THEMIS: variants seen among roughly 807,000 people sequenced by gnomAD.
THEMIS encodes the protein thymocyte selection associated, also known as protein THEMIS.
A neutral mutation model predicts 52.6 loss-of-function variants in THEMIS; 37 were observed. The observed-to-expected ratio is 0.70, with a 90% CI of 0.54 to 0.93. THEMIS has a LOEUF of 0.93. Among genes scored for constraint, THEMIS ranks in the 40% least tolerant of loss-of-function variants. The pLI, the probability that THEMIS is intolerant of heterozygous loss-of-function variation, is 0.00. For missense variants in THEMIS, 808 were observed against 763.1 expected (o/e 1.06, Z -0.69); for synonymous variants, 292 against 272.7 (o/e 1.07, Z -0.70).
intron 4 of THEMIS, among the ~76,000 whole-genome samples, chr6:127,782,670 G>T (rs1347442334): frequency 1.3e-5 from 2 of 152,092 alleles, no homozygotes; most frequent in Non-Finnish European, 2.9e-5. Flanking sequence ...GGGTTCCTCA[G>T]TTGGAAATAC....
At chr6:127,720,278 A>G (rs1774319513) in intron 4 of THEMIS, among the ~76,000 whole-genome samples, 1 of 151,968 alleles carries the variant, frequency 6.6e-6, no homozygotes. Flanking sequence ...AAATTAAACC[A>G]CATTTTTAAT....
intron 5 of THEMIS, among the ~76,000 whole-genome samples, chr6:127,718,840 C>T (rs879720319): frequency 7.3e-5 from 11 of 151,490 alleles, no homozygotes; most frequent in Non-Finnish European, 1.2e-4. Flanking sequence ...GTGTCAGAAG[C>T]CAGTAAGCTA....
intron 1 of THEMIS, among the ~76,000 whole-genome samples, chr6:127,888,035 A>G (rs531405260): frequency 1.1e-4 from 16 of 152,204 alleles, no homozygotes; most frequent in African/African-American, 3.6e-4. Flanking sequence ...CAGCTGGGGT[A>G]AACCTCGTAG....
chr6:127,820,707 G>T (rs777364448), intron 3 of THEMIS, among the ~76,000 whole-genome samples: 22 of 151,830 alleles, frequency 1.4e-4, no homozygotes, highest in Non-Finnish European at 2.9e-4. Context: ...CAATTTACTG[G>T]CAACCCAATC....
chr6:127,880,436 T>C (rs1780446360), intron 1 of THEMIS, among the ~76,000 whole-genome samples: 2 of 152,182 alleles, frequency 1.3e-5, no homozygotes, highest in East Asian at 1.9e-4. Context: ...CTGTTAGTCA[T>C]TTTAAAAATC....
At chr6:127,918,515 A>G (rs528351422) in exon 1 of THEMIS, 1 of 152,302 alleles carries the variant, frequency 6.6e-6, no homozygotes, top group East Asian at 1.9e-4. Flanking sequence ...CCTGTAGAAA[A>G]TAAGGGATCC....
chr6:127,888,073 T>G (rs1780699243), intron 1 of THEMIS, among the ~76,000 whole-genome samples: 1 of 152,042 alleles, frequency 6.6e-6, no homozygotes, highest in Non-Finnish European at 1.5e-5. Flanking sequence ...GTCGATGTCC[T>G]GAAGAAGAGT....
At chr6:127,747,433 T>C (rs575626699) in intron 4 of THEMIS, among the ~76,000 whole-genome samples, 67 of 148,078 alleles carry the variant, frequency 4.5e-4, no homozygotes, top group Non-Finnish European at 7.9e-4. Flanking sequence ...ATTATAGATA[T>C]ATTTACAACA....
downstream of THEMIS, among the ~76,000 whole-genome samples, chr6:127,703,881 C>T (rs1259201070): frequency 1.3e-5 from 2 of 152,068 alleles, no homozygotes; most frequent in Non-Finnish European, 2.9e-5. Flanking sequence ...TTATTGCTCA[C>T]CATTATGGAG....
At chr6:127,911,612 C>T (rs1322909681) in intron 1 of THEMIS, among the ~76,000 whole-genome samples, 1 of 151,424 alleles carries the variant, frequency 6.6e-6, no homozygotes, top group Non-Finnish European at 1.5e-5. Context: ...TAAGTTCATA[C>T]TGATATTGCC....
chr6:127,698,296 A>G, the THEMIS span, among the ~76,000 whole-genome samples: 13 of 152,130 alleles, frequency 8.5e-5, no homozygotes, highest in African/African-American at 3.1e-4. Context: ...AAAATAGAGT[A>G]CACCACCTGA....
At chr6:127,918,048 A>G (rs1781561577) in intron 1 of THEMIS, among the ~76,000 whole-genome samples, 1 of 152,214 alleles carries the variant, frequency 6.6e-6, no homozygotes, top group Admixed American at 6.5e-5. Context: ...ATTTTTAAGA[A>G]TCATGTACAA....
At position 127,816,630 on chromosome 6, in the gene THEMIS, C is replaced by T. The variant is rs193146417; in HGVS notation, c.710-2699G>A. On this transcript the variant is annotated intron_variant, in intron 3 of 5. Coordinates refer to ENST00000368248, the MANE Select transcript of THEMIS (RefSeq NM_001010923.3). ...TGATCTAAGCTACATTGTCTTTTGC[C>T]TGGATTGTTGCAGTGGCTTTCTAAC... Among the ~76,000 whole-genome samples the T allele has an allele frequency of 6.6e-5, 10 of 152,214 alleles. No homozygotes were observed. The East Asian group carries it at 1.4e-3, about 21-fold the overall frequency.
At chr6:127,816,789 C>T (rs967933341) in intron 3 of THEMIS, among the ~76,000 whole-genome samples, 1 of 152,226 alleles carries the variant, frequency 6.6e-6, no homozygotes, top group Middle Eastern at 3.4e-3. Flanking sequence ...AAGTCCTTAC[C>T]TGGCCCCTGG....
intron 4 of THEMIS, among the ~76,000 whole-genome samples, chr6:127,723,268 C>A (rs1774425754): frequency 6.6e-6 from 1 of 152,008 alleles, no homozygotes; most frequent in Non-Finnish European, 1.5e-5. Flanking sequence ...TGGAAGACTT[C>A]AACTTGTTTT....
At chr6:127,759,199 A>C (rs1310306730) in intron 4 of THEMIS, among the ~76,000 whole-genome samples, 1 of 152,188 alleles carries the variant, frequency 6.6e-6, no homozygotes, top group African/African-American at 2.4e-5. Flanking sequence ...GATTATAAGA[A>C]AATTGCATAT....
At chr6:127,914,203 T>C (rs1781471282) in intron 1 of THEMIS, among the ~76,000 whole-genome samples, 1 of 152,186 alleles carries the variant, frequency 6.6e-6, no homozygotes, top group South Asian at 2.1e-4. Context: ...TCCACTGTGT[T>C]GTCATGTTGG....
rs559894634 is a variant in THEMIS, at chr6:127,720,405, G to A, written c.1759-582C>T. ...TCCCTATAACTCATCTCACATGTAA[G>A]AGATGTCACAGCATTTGACATTATA... On this transcript the variant is annotated intron_variant, in intron 4 of 5. Coordinates refer to ENST00000368248, the MANE Select transcript of THEMIS (RefSeq NM_001010923.3). Among the ~76,000 whole-genome samples, 14 of 152,024 alleles carry A rather than the reference G, an allele frequency of 9.2e-5. No individual in the cohort carries two copies. The South Asian group carries it at 1.2e-3, about 14-fold the overall frequency.
chr6:127,723,055 C>G (rs1774417301), intron 4 of THEMIS, among the ~76,000 whole-genome samples: 1 of 151,976 alleles, frequency 6.6e-6, no homozygotes, highest in African/African-American at 2.4e-5. Flanking sequence ...CTCTTCATCT[C>G]CTATCCTCAA....
Sources: allele counts gnomAD v4.1 joint callset (sites outside exome capture counted in the v4.1 genomes callset), GRCh38; gene constraint gnomAD v4.1.1; transcripts MANE v1.5; gene names NCBI Gene and HGNC (gene_info 2026-07-23, HGNC 2026-07-21).